CPZ: variants seen among roughly 807,000 people sequenced by gnomAD.
The protein encoded by CPZ is carboxypeptidase Z, also known as VEZT/CPZ fusion.
Under a neutral mutation model 61.8 loss-of-function variants are expected in CPZ, and 103 were observed. The observed-to-expected ratio is 1.67, with a 90% CI of 1.42 to 1.96. CPZ has a LOEUF of 1.96. CPZ is among the 30% of genes most tolerant of loss of function. CPZ has a pLI of 0.00. For missense variants in CPZ, 1,461 were observed against 914.9 expected, an observed-to-expected ratio of 1.60 and a Z score of -7.70; for synonymous variants, 551 against 373.7, an observed-to-expected ratio of 1.47 and a Z score of -5.47.
chr4:8,607,506 G>C, intron 7 of CPZ, 81 bp downstream of exon 7: 1 of 1,501,392 alleles, frequency 6.7e-7, no homozygotes, highest in Non-Finnish European at 9.0e-7. Context: ...CCAGTCCTGA[G>C]CTCAGTGAAG....
intron 9 of CPZ, among the ~76,000 whole-genome samples, chr4:8,617,129 G>A (rs1018767289): frequency 1.4e-4 from 21 of 152,366 alleles, no homozygotes; most frequent in Middle Eastern, 6.8e-3. Context: ...CTGAGCTCAC[G>A]GGCCGCGTGT....
At position 8,612,160 on chromosome 4, in the gene CPZ, G is replaced by T; in HGVS notation, c.1361G>T (p.Gly454Val). ...GGGGCGGACTGGTACAGCTTCACGG[G>T]AGGTGCGGCTTCCGCAGGGCGGGAC... ...INGADWYSFT[G>V]GMSDFNYLHT... The change falls in exon 8 of 11, where the codon GGA becomes GTA. Residue 454 changes from glycine (G) to valine (V), a missense_variant and splice_region_variant. Gly to Val is a moderately radical substitution (Grantham distance 109, BLOSUM62 -3). Coordinates refer to ENST00000360986, the MANE Select transcript of CPZ (RefSeq NM_001014447.3). The T allele has an allele frequency of 1.3e-6, 2 of 1,490,468 alleles. No individual in the cohort carries two copies. Among genetic ancestry groups the T allele is most frequent in the South Asian group, 1.3e-5 (1 of 75,236 alleles). The allele number at this position is 1,490,468 out of a possible 1,614,324, so 92.3% of individuals were successfully genotyped here.
At chr4:8,608,444 C>T (rs986011870) in intron 7 of CPZ, among the ~76,000 whole-genome samples, 1 of 152,212 alleles carries the variant, frequency 6.6e-6, no homozygotes, top group African/African-American at 2.4e-5. Context: ...GCCACCCGGC[C>T]GAGCACATAG....
Position 8,614,426 on chromosome 4 carries a change from GT to G in CPZ, c.1433del (p.Phe478SerfsTer19), listed in dbSNP as rs1376341564. On this transcript the variant is annotated frameshift_variant, in exon 9 of 11. Transcript: ENST00000360986. LOFTEE classifies it high-confidence loss of function. ...TCACGGTAGAGCTGGGCTGTGTGAA[GT>G]TCCCCCCCGAGGAGGCCCTGTACAT... ...EITVELGCVK[F>X]PPEEALYILW... 4.3e-6 allele frequency: 7 copies of G among 1,613,946 alleles called. No homozygotes were observed. The highest frequency in any genetic ancestry group is 5.9e-6 in the Non-Finnish European group (7 of 1,179,992).
chr4:8,616,868 G>T (rs186042477), intron 9 of CPZ, among the ~76,000 whole-genome samples: 2 of 152,338 alleles, frequency 1.3e-5, no homozygotes, highest in Non-Finnish European at 2.9e-5. Context: ...ATCCAGGGTG[G>T]GGGTCACGAG....
Position 8,619,286 on chromosome 4 carries a change from T to G in CPZ, c.1628T>G (p.Leu543Arg). Residue 543 changes from leucine to arginine, a missense_variant, in exon 11 of 11, where the codon CTG becomes CGG. Coordinates refer to ENST00000360986, the MANE Select transcript of CPZ (RefSeq NM_001014447.3). ...TTAPDGDYWRLLPPGIHIVIA... is the reference protein window; with the variant it reads ...TTAPDGDYWRRLPPGIHIVIA... Reference sequence around the variant, plus strand: ...GCCCCAGATGGTGACTACTGGAGACTGCTGCCCCCAGGTATCCACATTGTC... The same window carrying G: ...GCCCCAGATGGTGACTACTGGAGACGGCTGCCCCCAGGTATCCACATTGTC... The G allele has an allele frequency of 8.7e-6, 14 of 1,613,050 alleles. No individual in the cohort carries two copies. Among genetic ancestry groups the G allele is most frequent in the Non-Finnish European group, 1.2e-5 (14 of 1,179,534 alleles).
intron 3 of CPZ, among the ~76,000 whole-genome samples, chr4:8,601,792 G>T (rs1380592300): frequency 2.0e-5 from 3 of 152,262 alleles, no homozygotes; most frequent in Admixed American, 6.5e-5. Context: ...TGGGGGCAGT[G>T]CCCCCGCCCA....
intron 2 of CPZ, 126 bp from the exon 3 acceptor site, chr4:8,600,997 C>G (rs377106490): frequency 7.0e-7 from 1 of 1,424,932 alleles, no homozygotes; most frequent in Non-Finnish European, 9.2e-7. Flanking sequence ...TGGTCCTCCC[C>G]TGCCAGACCG....
chr4:8,600,680 C>T (rs184763663), intron 2 of CPZ, among the ~76,000 whole-genome samples: 232 of 152,348 alleles, frequency 1.5e-3, no homozygotes, highest in Middle Eastern at 3.4e-3. Context: ...TCATCCAAGT[C>T]CTGAGCCCCA....
Position 8,601,383 on chromosome 4 carries a change from G to T in CPZ, c.382G>T (p.Val128Phe). 6.3e-7 allele frequency: 1 copy of T among 1,599,504 alleles called. No homozygotes were observed. Among genetic ancestry groups the T allele is most frequent in the East Asian group, 2.3e-5 (1 of 44,084 alleles). The change falls in exon 3 of 11, where the codon GTC (valine) becomes TTC (phenylalanine). Residue 128 changes from valine to phenylalanine, a missense_variant. Val to Phe is a conservative substitution (Grantham distance 50). Transcript: ENST00000360986. The stretch of plus-strand genomic sequence containing the variant: ...GCACATCTGCGAGGGCCTGCGGGAG[G>T]TCTGCCAGCCCGCCTTCGACGCCAT... ...CRHICEGLRE[V>F]CQPAFDAIDM... is the part of the protein sequence containing the mutation.
At chr4:8,593,553 G>A (rs1000208259) in intron 1 of CPZ, among the ~76,000 whole-genome samples, 1 of 152,194 alleles carries the variant, frequency 6.6e-6, no homozygotes, top group Non-Finnish European at 1.5e-5. Context: ...CTGGATCCTG[G>A]GCTCCCGTCT....
intron 3 of CPZ, 157 bp from the exon 4 acceptor site, chr4:8,603,819 T>A: frequency 1.5e-6 from 1 of 665,922 alleles, no homozygotes; most frequent in Non-Finnish European, 2.6e-6. Context: ...GATATCGTTG[T>A]AGGCACTGCA....
intron 2 of CPZ, 90 bp from the exon 3 acceptor site, chr4:8,601,033 G>GCCCTGC: frequency 6.8e-7 from 1 of 1,464,482 alleles, no homozygotes; most frequent in East Asian, 2.4e-5. Context: ...GCAGGCCCTG[G>GCCCTGC]CCCTGCGTGG....
In CPZ at chr4:8,619,393, T is replaced by A; in HGVS notation, c.1735T>A (p.Phe579Ile). The stretch of plus-strand genomic sequence containing the variant: ...GATGAAGAGGGCTGGCCGTGTGGAC[T>A]TCATTCTGCAACCTCTGGGGATGGG... ...ARMKRAGRVD[F>I]ILQPLGMGPK... The change falls in exon 11 of 11, where the codon TTC becomes ATC. Residue 579 changes from phenylalanine to isoleucine, a missense_variant. Physicochemically the swap from Phe to Ile is conservative, Grantham distance 21. Coordinates refer to ENST00000360986, the MANE Select transcript of CPZ (RefSeq NM_001014447.3). 1 of 1,614,190 alleles carries A rather than the reference T, an allele frequency of 6.2e-7. No homozygotes were observed. The highest frequency in any genetic ancestry group is 8.5e-7 in the Non-Finnish European group (1 of 1,180,022).
Position 8,603,964 on chromosome 4 carries a change from C to T in CPZ, c.497-12C>T, listed in dbSNP as rs759656398. ...GCCTGACACTGACTGAGCCCCCCCA[C>T]TGCTCCCCCAGGAGGCCTGGAGGCT... On this transcript the variant is annotated splice_polypyrimidine_tract_variant and intron_variant, in intron 3 of 10. Transcript: ENST00000360986. 1.9e-6 allele frequency: 3 copies of T among 1,611,330 alleles called. No individual in the cohort carries two copies. Among genetic ancestry groups the T allele is most frequent in the East Asian group, 2.2e-5 (1 of 44,878 alleles).
At chr4:8,615,395 G>A (rs900847182) in intron 9 of CPZ, among the ~76,000 whole-genome samples, 49 of 152,320 alleles carry the variant, frequency 3.2e-4, no homozygotes, top group Non-Finnish European at 5.1e-4. Flanking sequence ...GGCAGCCTGC[G>A]TTCGAAGAAG....
Position 8,592,782 on chromosome 4 carries a change from C to A in CPZ, c.-52C>A. On this transcript the variant is annotated 5_prime_UTR_variant, in exon 1 of 11. Coordinates refer to ENST00000360986, the MANE Select transcript of CPZ (RefSeq NM_001014447.3). ...GCGAGCGCAGAGCCCCGGCCCCGCGCGGCCCGAGTGCCACATCACTGCGCT... is the reference window on the plus strand; with the variant it reads ...GCGAGCGCAGAGCCCCGGCCCCGCGAGGCCCGAGTGCCACATCACTGCGCT... The A allele has an allele frequency of 7.8e-7, 1 of 1,278,762 alleles. No homozygotes were observed. The highest frequency in any genetic ancestry group is 1.0e-6 in the Non-Finnish European group (1 of 989,408). The allele number at this position is 1,278,762 out of a possible 1,614,324, so 79.2% of individuals were successfully genotyped here. A position where few individuals can be genotyped will look rare whatever the true frequency, so the allele number is the denominator to read the frequency against.
In CPZ at chr4:8,619,279, T is replaced by G. The variant is rs1235397486; in HGVS notation, c.1621T>G (p.Trp541Gly). The change falls in exon 11 of 11, where the codon TGG becomes GGG. Residue 541 changes from tryptophan to glycine, a missense_variant. Coordinates refer to ENST00000360986, the MANE Select transcript of CPZ (RefSeq NM_001014447.3). ...DITTAPDGDYWRLLPPGIHIV... is the reference protein window; with the variant it reads ...DITTAPDGDYGRLLPPGIHIV... ...GTCCACAGCCCCAGATGGTGACTAC[T>G]GGAGACTGCTGCCCCCAGGTATCCA... 6.2e-7 allele frequency: 1 copy of G among 1,612,408 alleles called. No homozygotes were observed.
Position 8,592,864 on chromosome 4 carries a change from A to C in CPZ, c.31A>C (p.Thr11Pro). Residue 11 changes from threonine to proline, a missense_variant, in exon 1 of 11, where the codon ACA (threonine) becomes CCA (proline). Physicochemically the swap from Thr to Pro is conservative, Grantham distance 38. Transcript: ENST00000360986. ...GCCCCCGCTGCCGCTGCTGCTCCTT[A>C]CAGTCCTGGTCGTCGCCGCTGCCCG... MPPPLPLLLLTVLVVAAARPG... is the reference protein window; with the variant it reads MPPPLPLLLLPVLVVAAARPG... The C allele has an allele frequency of 6.5e-7, 1 of 1,527,820 alleles. No homozygotes were observed. Among genetic ancestry groups the C allele is most frequent in the Admixed American group, 2.0e-5 (1 of 49,896 alleles). 94.6% of individuals were successfully genotyped at this position (1,527,820 alleles called of 1,614,324 possible). A position where few individuals can be genotyped will look rare whatever the true frequency, so the allele number is the denominator to read the frequency against.
Sources: gnomAD v4.1 joint callset for allele counts (sites outside exome capture counted in the v4.1 genomes callset) on GRCh38, gnomAD v4.1.1 for gene constraint, MANE v1.5 for transcripts, NCBI Gene and HGNC (gene_info 2026-07-23, HGNC 2026-07-21) for gene names.